The following RARB variants were observed in gnomAD, a reference collection of about 807,000 sequenced individuals.
The protein encoded by RARB is HBV-activated protein.
Under a neutral mutation model 51.9 loss-of-function variants are expected in RARB, and 17 were observed. The ratio of observed to expected loss-of-function variants is 0.33; its 90% confidence interval spans 0.22 to 0.49. RARB has a LOEUF of 0.49. Among genes scored for constraint, RARB ranks in the 20% least tolerant of loss-of-function variants. RARB has a pLI of 0.99. For synonymous variants in RARB, 215 were observed against 195.4 expected (o/e 1.10, Z -0.84); for missense variants, 369 against 550.8 (o/e 0.67, Z 3.30).
intron 2 of RARB, among the ~76,000 whole-genome samples, chr3:24,911,652 T>C (rs951859595): frequency 2.0e-5 from 3 of 152,220 alleles, no homozygotes; most frequent in African/African-American, 7.2e-5. Context: ...CAGAGGAATG[T>C]ATGAATGTGC....
chr3:24,905,136 AAAAAT>A (rs1283363126), intron 2 of RARB, among the ~76,000 whole-genome samples: 31 of 152,290 alleles, frequency 2.0e-4, no homozygotes, highest in African/African-American at 7.2e-4. Flanking sequence ...AAAGTATAAT[AAAAAT>A]AAAATAACCA....
chr3:25,002,146 A>G (rs1486499221), intron 2 of RARB, among the ~76,000 whole-genome samples: 1 of 152,146 alleles, frequency 6.6e-6, no homozygotes, highest in Non-Finnish European at 1.5e-5. Flanking sequence ...GTTAAAATGT[A>G]AAATCTGCTT....
At chr3:25,571,948 C>G (rs1024708773) in intron 4 of RARB, among the ~76,000 whole-genome samples, 16 of 152,206 alleles carry the variant, frequency 1.1e-4, no homozygotes, top group African/African-American at 3.4e-4. Flanking sequence ...TCTGACAATA[C>G]AGAAAAGTAA....
At chr3:25,229,007 C>T (rs1702118340) in intron 5 of RARB, among the ~76,000 whole-genome samples, 1 of 152,132 alleles carries the variant, frequency 6.6e-6, no homozygotes, top group African/African-American at 2.4e-5. Flanking sequence ...GTTTTTGTCT[C>T]TGCTGTCCTA....
chr3:25,328,570 G>A (rs1704794372), intron 5 of RARB, among the ~76,000 whole-genome samples: 1 of 152,162 alleles, frequency 6.6e-6, no homozygotes, highest in Non-Finnish European at 1.5e-5. Context: ...TTCCAAGATG[G>A]CCGAATAGGA....
At chr3:24,845,835 G>A (rs1428138208) in intron 1 of RARB, among the ~76,000 whole-genome samples, 6 of 152,054 alleles carry the variant, frequency 3.9e-5, no homozygotes, top group Non-Finnish European at 8.8e-5. Context: ...ATCCAGAGTC[G>A]ATTTCCTGTG....
At chr3:25,407,208 C>G (rs1707434028) in intron 5 of RARB, among the ~76,000 whole-genome samples, 1 of 152,146 alleles carries the variant, frequency 6.6e-6, no homozygotes, top group Non-Finnish European at 1.5e-5. Context: ...TCAACAGAAC[C>G]TAACTTCCTG....
At chr3:25,260,283 A>G (rs1360099523) in intron 5 of RARB, among the ~76,000 whole-genome samples, 1 of 152,148 alleles carries the variant, frequency 6.6e-6, no homozygotes, top group Non-Finnish European at 1.5e-5. Flanking sequence ...TTTGTATAGA[A>G]TAAGAAATAC....
At chr3:24,933,132 C>T (rs1465731221) in intron 2 of RARB, among the ~76,000 whole-genome samples, 26 of 151,950 alleles carry the variant, frequency 1.7e-4, no homozygotes, top group Admixed American at 1.7e-3. Flanking sequence ...TTGTTTATTT[C>T]CCTGTAATAT....
At chr3:25,344,048 G>A (rs1263531190) in intron 5 of RARB, among the ~76,000 whole-genome samples, 1 of 152,206 alleles carries the variant, frequency 6.6e-6, no homozygotes, top group Non-Finnish European at 1.5e-5. Context: ...GTCGGCAGAA[G>A]TGTTAGGCTA....
chr3:25,524,886 C>T (rs1471611234), intron 3 of RARB, among the ~76,000 whole-genome samples: 1 of 151,972 alleles, frequency 6.6e-6, no homozygotes, highest in East Asian at 1.9e-4. Flanking sequence ...CTCACCATCA[C>T]ACCCAGCTAA....
intron 5 of RARB, among the ~76,000 whole-genome samples, chr3:25,390,836 G>C (rs1021679101): frequency 6.6e-6 from 1 of 152,026 alleles, no homozygotes; most frequent in African/African-American, 2.4e-5. Flanking sequence ...CCTAAGCCCT[G>C]TATGTCTAAA....
In RARB at chr3:24,898,812, G is replaced by A. The variant is rs975027579; in HGVS notation, c.-380+40060G>A. 7.2e-5 allele frequency among the ~76,000 whole-genome samples: 11 copies of A among 152,218 alleles called. No individual in the cohort carries two copies. In the South Asian group the frequency reaches 1.7e-3, roughly 23 times the overall value. On this transcript the variant is annotated intron_variant, in intron 2 of 11. Transcript: ENST00000383772. The stretch of plus-strand genomic sequence containing the variant: ...ATTTGGCTTTTGTCCTTCCTGTTGC[G>A]AAATATGGCTGCTTCTCCACCAGGC...
intron 5 of RARB, among the ~76,000 whole-genome samples, chr3:25,249,838 A>G (rs977256848): frequency 3.3e-5 from 2 of 61,002 alleles, no homozygotes; most frequent in Non-Finnish European, 5.7e-5. Context: ...CTGGGGCCCC[A>G]GTGGTAGCAG....
intron 1 of RARB, among the ~76,000 whole-genome samples, chr3:25,449,036 A>AGG (rs1401107337): frequency 6.6e-6 from 1 of 152,088 alleles, no homozygotes; most frequent in Non-Finnish European, 1.5e-5. Flanking sequence ...ATTTTGGTTA[A>AGG]GGGAGTATAT....
At chr3:25,477,966 T>C (rs745891749) in intron 2 of RARB, among the ~76,000 whole-genome samples, 3 of 152,202 alleles carry the variant, frequency 2.0e-5, no homozygotes, top group African/African-American at 4.8e-5. Context: ...TAGTTGGTGT[T>C]GCCTGCTAAG....
intron 2 of RARB, among the ~76,000 whole-genome samples, chr3:24,923,240 A>G (rs551656384): frequency 6.6e-6 from 1 of 152,326 alleles, no homozygotes; most frequent in South Asian, 2.1e-4. Context: ...AAGTGCTTAG[A>G]TAGCAAACCT....
intron 2 of RARB, among the ~76,000 whole-genome samples, chr3:24,929,900 A>G (rs1695403577): frequency 6.6e-6 from 1 of 152,150 alleles, no homozygotes. Context: ...ACAATTACAA[A>G]GAATAATGTG....
At chr3:24,856,828 T>A (rs1196869747) in intron 1 of RARB, among the ~76,000 whole-genome samples, 1 of 152,092 alleles carries the variant, frequency 6.6e-6, no homozygotes, top group African/African-American at 2.4e-5. Flanking sequence ...ACTTAAGGAG[T>A]CTGTATCTCG....
Sources: allele counts gnomAD v4.1 joint callset (sites outside exome capture counted in the v4.1 genomes callset), GRCh38; gene constraint gnomAD v4.1.1; transcripts MANE v1.5; gene names NCBI Gene and HGNC (gene_info 2026-07-23, HGNC 2026-07-21).